Variants in GPRIN3 observed in about 807,000 individuals in gnomAD.
GPRIN3 encodes G protein-regulated inducer of neurite outgrowth 3.
Under a neutral mutation model 13.7 loss-of-function variants are expected in GPRIN3, and 12 were observed. The observed-to-expected ratio is 0.87, with a 90% CI of 0.56 to 1.42. GPRIN3 has a LOEUF of 1.42. Among genes scored for constraint, GPRIN3 ranks in the 40% most tolerant of loss-of-function variants. The pLI, the probability that GPRIN3 is intolerant of heterozygous loss-of-function variation, is 0.00. For missense variants in GPRIN3, 1,009 were observed against 958.7 expected (o/e 1.05, Z -0.69); for synonymous variants, 377 against 372.7 (o/e 1.01, Z -0.13).
rs1723047206 is a variant in GPRIN3, at chr4:89,244,900, GA to G, written c.*2879del. 1 of 152,122 alleles carries G rather than the reference GA, an allele frequency of 6.6e-6. No individual in the cohort carries two copies. The highest frequency in any genetic ancestry group is 2.1e-4 in the South Asian group (1 of 4,832). The allele number at this position is 152,122 out of a possible 1,614,324, so 9.4% of individuals were successfully genotyped here. On this transcript the variant is annotated 3_prime_UTR_variant, in exon 2 of 2. Coordinates refer to ENST00000609438, the MANE Select transcript of GPRIN3 (RefSeq NM_198281.3). ...AAAAAGAACCAAATCATATCTAAGA[GA>G]AATGAAGGGTAAAACCAAACAACTT...
rs1468310419 is a variant in GPRIN3, at chr4:89,249,403, T to C, written c.708A>G (p.Lys236=). The C allele has an allele frequency of 6.2e-7, 1 of 1,613,988 alleles. No homozygotes were observed. ...AACATCCAGATTCTCTAGTTAGAGGTTTACAGGACCTCATTTCAGAGTCAC... is the reference window on the plus strand; with the variant it reads ...AACATCCAGATTCTCTAGTTAGAGGCTTACAGGACCTCATTTCAGAGTCAC... ...AICDSEMRSC[K]PLTRESGCSE... The change falls in exon 2 of 2, where the codon AAA becomes AAG. Residue 236 remains lysine, a synonymous_variant. Coordinates refer to ENST00000609438, the MANE Select transcript of GPRIN3 (RefSeq NM_198281.3).
At chr4:89,254,598 G>A (rs1009204544) in intron 1 of GPRIN3, among the ~76,000 whole-genome samples, 4 of 152,220 alleles carry the variant, frequency 2.6e-5, no homozygotes, top group East Asian at 1.9e-4. Flanking sequence ...TGGTGTATGC[G>A]TATCACATTT....
At chr4:89,251,458 A>C (rs1156396046) in intron 1 of GPRIN3, among the ~76,000 whole-genome samples, 2 of 152,148 alleles carry the variant, frequency 1.3e-5, no homozygotes, top group Non-Finnish European at 2.9e-5. Context: ...AATGATACCA[A>C]CTCTATCAAC....
chr4:89,252,504 G>A (rs1173009744), intron 1 of GPRIN3, among the ~76,000 whole-genome samples: 1 of 152,100 alleles, frequency 6.6e-6, no homozygotes, highest in Non-Finnish European at 1.5e-5. Context: ...CTTTGCACAT[G>A]ATGAATAATA....
intron 1 of GPRIN3, among the ~76,000 whole-genome samples, chr4:89,259,664 C>A (rs1044098796): frequency 6.6e-6 from 1 of 152,196 alleles, no homozygotes; most frequent in Non-Finnish European, 1.5e-5. Flanking sequence ...CCTTACTGAT[C>A]TTGCTGCCTT....
At position 89,248,165 on chromosome 4, in the gene GPRIN3, A is replaced by C; in HGVS notation, c.1946T>G (p.Val649Gly). The C allele has an allele frequency of 6.2e-7, 1 of 1,614,110 alleles. No individual in the cohort carries two copies. The highest frequency in any genetic ancestry group is 8.5e-7 in the Non-Finnish European group (1 of 1,180,002). Residue 649 changes from valine (V) to glycine (G), a missense_variant, in exon 2 of 2, where the codon GTG (valine) becomes GGG (glycine). Physicochemically the swap from Val to Gly is moderately radical, Grantham distance 109. Coordinates refer to ENST00000609438, the MANE Select transcript of GPRIN3 (RefSeq NM_198281.3). Reference protein sequence around the residue: ...SEFLKEQKLNVTAAAAQVGLT... With the variant: ...SEFLKEQKLNGTAAAAQVGLT... ...TCCTACCTGAGCAGCAGCTGCTGTC[A>C]CATTTAACTTTTGCTCCTTGAGGAA...
At chr4:89,277,299 G>A (rs1292929439) in intron 1 of GPRIN3, among the ~76,000 whole-genome samples, 4 of 152,156 alleles carry the variant, frequency 2.6e-5, no homozygotes, top group East Asian at 1.9e-4. Flanking sequence ...GTCCAGGTGC[G>A]AGGCATGAGT....
At chr4:89,258,711 A>AAAGGGGCGAG (rs1187356453) in intron 1 of GPRIN3, among the ~76,000 whole-genome samples, 1 of 152,132 alleles carries the variant, frequency 6.6e-6, no homozygotes, top group Non-Finnish European at 1.5e-5. Flanking sequence ...CTTTGGAGAG[A>AAAGGGGCGAG]AAGGGGCGTG....
intron 1 of GPRIN3, among the ~76,000 whole-genome samples, chr4:89,282,868 A>C (rs1277667399): frequency 1.3e-5 from 2 of 152,190 alleles, no homozygotes; most frequent in African/African-American, 4.8e-5. Context: ...AGACCTCACA[A>C]ATCTGTGGAA....
At chr4:89,275,397 C>A (rs1320213447) in intron 1 of GPRIN3, among the ~76,000 whole-genome samples, 1 of 151,984 alleles carries the variant, frequency 6.6e-6, no homozygotes, top group Non-Finnish European at 1.5e-5. Context: ...ATAATAGTAC[C>A]CTGTCGAGAG....
intron 1 of GPRIN3, among the ~76,000 whole-genome samples, chr4:89,268,515 G>C (rs916510478): frequency 6.6e-6 from 1 of 152,174 alleles, no homozygotes. Flanking sequence ...GGCACAGGCA[G>C]GGCACCTCTG....
chr4:89,270,975 G>A (rs1224120282), intron 1 of GPRIN3, among the ~76,000 whole-genome samples: 1 of 152,118 alleles, frequency 6.6e-6, no homozygotes, highest in African/African-American at 2.4e-5. Flanking sequence ...CCGTGGTCAG[G>A]CTGTGAAGTG....
intron 1 of GPRIN3, among the ~76,000 whole-genome samples, chr4:89,296,071 C>G (rs905133408): frequency 6.6e-6 from 1 of 152,042 alleles, no homozygotes; most frequent in Non-Finnish European, 1.5e-5. Flanking sequence ...CTGTATACTA[C>G]GTAAGATCCT....
chr4:89,239,621 A>C lies in GPRIN3; in HGVS notation c.*8159T>G, dbSNP rs1339105424. 6.6e-6 allele frequency: 1 copy of C among 152,214 alleles called. No homozygotes were observed. The highest frequency in any genetic ancestry group is 1.5e-5 in the Non-Finnish European group (1 of 68,038). 9.4% of individuals were successfully genotyped at this position (152,214 alleles called of 1,614,324 possible). A position where few individuals can be genotyped will look rare whatever the true frequency, so the allele number is the denominator to read the frequency against. ...GAGAAGTGGTTGTTTGTACTTTGCC[A>C]AATGGAATTCTCTATCAAGGGGTGA... is the stretch of plus-strand genomic sequence containing the variant. On this transcript the variant is annotated 3_prime_UTR_variant, in exon 2 of 2. Transcript: ENST00000609438.
intron 1 of GPRIN3, among the ~76,000 whole-genome samples, chr4:89,263,745 A>C (rs935383177): frequency 2.6e-5 from 4 of 152,320 alleles, no homozygotes; most frequent in Non-Finnish European, 5.9e-5. Context: ...GCTTCAAAAA[A>C]GGATTATGGT....
chr4:89,276,054 GAAT>G (rs1724084432), intron 1 of GPRIN3, among the ~76,000 whole-genome samples: 1 of 152,140 alleles, frequency 6.6e-6, no homozygotes. Context: ...ATAATTAGTA[GAAT>G]AAGGATAAAC....
At chr4:89,251,978 T>C (rs868779395) in intron 1 of GPRIN3, among the ~76,000 whole-genome samples, 9 of 141,422 alleles carry the variant, frequency 6.4e-5, no homozygotes, top group African/African-American at 2.4e-4. Context: ...ATATATAAGC[T>C]TTTTTTTTTT....
rs1723194745 is a variant in GPRIN3, at chr4:89,248,689, A to G, written c.1422T>C (p.Ser474=). 1 of 1,614,036 alleles carries G rather than the reference A, an allele frequency of 6.2e-7. No homozygotes were observed. Among genetic ancestry groups the G allele is most frequent in the Non-Finnish European group, 8.5e-7 (1 of 1,180,014 alleles). The part of the protein sequence containing the change: ...KATAIDQISI[S]ACSQAETSYG... Reference sequence around the variant, plus strand: ...AACTTGTTTCAGCTTGACTGCATGCACTGATAGAAATCTGGTCAATGGCGG... The same window carrying G: ...AACTTGTTTCAGCTTGACTGCATGCGCTGATAGAAATCTGGTCAATGGCGG... Residue 474 remains serine, a synonymous_variant, in exon 2 of 2, where the codon AGT becomes AGC. Transcript: ENST00000609438.
rs1334471478 is a variant in GPRIN3 at position 89,249,966 on chromosome 4, C to A, written c.145G>T (p.Gly49Cys). ...LLCKNANGFS[G>C]APAEPDLSPR... ...CTGAGGTCTGGTTCTGCAGGGGCAC[C>A]TGAAAAGCCATTGGCATTCTTACAC... Residue 49 changes from glycine (G) to cysteine (C), a missense_variant, in exon 2 of 2, where the codon GGT becomes TGT. Gly to Cys is a radical substitution (Grantham distance 159, BLOSUM62 -3). Coordinates refer to ENST00000609438, the MANE Select transcript of GPRIN3 (RefSeq NM_198281.3). 1 of 1,614,224 alleles carries A rather than the reference C, an allele frequency of 6.2e-7. No individual in the cohort carries two copies. Among genetic ancestry groups the A allele is most frequent in the East Asian group, 2.2e-5 (1 of 44,882 alleles).
Sources: gnomAD v4.1 joint callset for allele counts (sites outside exome capture counted in the v4.1 genomes callset) on GRCh38, gnomAD v4.1.1 for gene constraint, MANE v1.5 for transcripts, NCBI Gene and HGNC (gene_info 2026-07-23, HGNC 2026-07-21) for gene names.